Variants in CCDC191 observed in about 807,000 individuals in gnomAD.
CCDC191 encodes coiled-coil domain-containing protein 191.
In CCDC191, 99 loss-of-function variants were observed where a neutral mutation model predicts 114.0. The ratio of observed to expected loss-of-function variants is 0.87; its 90% CI spans 0.74 to 1.03. The LOEUF is 1.03. Among genes scored for constraint, CCDC191 ranks in the 50% least tolerant of loss-of-function variants. CCDC191 has a pLI of 0.00. For missense variants in CCDC191, 973 were observed against 1,087.0 expected, an observed-to-expected ratio of 0.90 and a Z score of 1.47; for synonymous variants, 351 against 376.0, an observed-to-expected ratio of 0.93 and a Z score of 0.77.
Position 113,980,092 on chromosome 3 carries a change from A to G in CCDC191, c.2307+558T>C, listed in dbSNP as rs111534572. 7.3e-3 allele frequency among the ~76,000 whole-genome samples: 1,107 copies of G among 152,262 alleles called. 13 individuals are homozygous for G. Among genetic ancestry groups the G allele is most frequent in the African/African-American group, 0.024 (1,005 of 41,542 alleles). On this transcript the variant is annotated intron_variant, in intron 14 of 16. Coordinates refer to ENST00000295878, the MANE Select transcript of CCDC191 (RefSeq NM_020817.2). The stretch of plus-strand genomic sequence containing the variant: ...TTGGCCCTTTGATTTGCTTTGGCCA[A>G]TGGAATGTGGACATAATACAAGCAA...
chr3:114,032,294 T>G (rs962361599), intron 6 of CCDC191, among the ~76,000 whole-genome samples: 1 of 152,146 alleles, frequency 6.6e-6, no homozygotes, highest in Non-Finnish European at 1.5e-5. Context: ...AAATAGAACT[T>G]AAAAAGGAAA....
At chr3:114,012,476 T>C (rs2076087463) in intron 8 of CCDC191, among the ~76,000 whole-genome samples, 1 of 152,204 alleles carries the variant, frequency 6.6e-6, no homozygotes, top group Non-Finnish European at 1.5e-5. Context: ...TATGTATGTT[T>C]TACTTTTATG....
chr3:114,051,401 T>C (rs555177507), intron 2 of CCDC191, among the ~76,000 whole-genome samples: 1 of 152,302 alleles, frequency 6.6e-6, no homozygotes, highest in South Asian at 2.1e-4. Context: ...CCTCCAAGTC[T>C]GGATCAATCT....
intron 16 of CCDC191, 64 bp from the exon 17 acceptor site, chr3:113,965,423 C>A: frequency 1.2e-6 from 1 of 852,216 alleles, no homozygotes; most frequent in Non-Finnish European, 1.8e-6. Context: ...ATCTATAGCA[C>A]ATTAAGAACT....
chr3:114,028,523 G>A (rs962081965), intron 7 of CCDC191, among the ~76,000 whole-genome samples: 3 of 151,786 alleles, frequency 2.0e-5, no homozygotes, highest in Non-Finnish European at 2.9e-5. Flanking sequence ...CTGACCTCGT[G>A]ATCCGCCCGC....
chr3:114,004,894 T>C, intron 10 of CCDC191, 148 bp from the exon 11 acceptor site: 3 of 830,180 alleles, frequency 3.6e-6, no homozygotes, highest in Non-Finnish European at 5.3e-6. Context: ...CATAAATATG[T>C]GTAATGAGGT....
intron 7 of CCDC191, among the ~76,000 whole-genome samples, chr3:114,026,519 C>G (rs1250518260): frequency 2.0e-5 from 3 of 152,124 alleles, no homozygotes; most frequent in Non-Finnish European, 2.9e-5. Context: ...ATTTCCCTCC[C>G]CTAACATAAG....
chr3:114,031,534 C>T (rs2076403867), intron 7 of CCDC191, 92 bp downstream of exon 7: 1 of 1,105,974 alleles, frequency 9.0e-7, no homozygotes, highest in Non-Finnish European at 1.4e-6. Context: ...TGAGGTTCAA[C>T]TGGACTTAGT....
intron 13 of CCDC191, among the ~76,000 whole-genome samples, chr3:113,993,568 C>T (rs1384169207): frequency 6.6e-6 from 1 of 152,096 alleles, no homozygotes; most frequent in Non-Finnish European, 1.5e-5. Context: ...CAGCATACCT[C>T]ACAACTTACA....
In CCDC191 at chr3:113,986,325, T is replaced by G. The variant is rs376161341; in HGVS notation, c.2164-5532A>C. Among the ~76,000 whole-genome samples, 6 of 152,242 alleles carry G rather than the reference T, an allele frequency of 3.9e-5. No individual in the cohort carries two copies. The East Asian group carries it at 5.8e-4, about 15-fold the overall frequency. The stretch of plus-strand genomic sequence containing the variant: ...AACAAAATAGTGCATCTGAGAGCTG[T>G]GGGATAATATGAAACAATGTAACAA... On this transcript the variant is annotated intron_variant, in intron 13 of 16. Coordinates refer to ENST00000295878, the MANE Select transcript of CCDC191 (RefSeq NM_020817.2).
chr3:113,999,615 A>G (rs1283812147), intron 13 of CCDC191, among the ~76,000 whole-genome samples: 1 of 152,204 alleles, frequency 6.6e-6, no homozygotes, highest in Non-Finnish European at 1.5e-5. Flanking sequence ...GAGAATCACA[A>G]GCAGCTGAGG....
chr3:114,021,042 T>C (rs1369056325), intron 7 of CCDC191, among the ~76,000 whole-genome samples: 1 of 152,076 alleles, frequency 6.6e-6, no homozygotes, highest in Non-Finnish European at 1.5e-5. Context: ...AGTAAAGAGT[T>C]AGTGTTACAC....
At chr3:113,989,900 T>C (rs2075499603) in intron 13 of CCDC191, among the ~76,000 whole-genome samples, 1 of 152,128 alleles carries the variant, frequency 6.6e-6, no homozygotes, top group Non-Finnish European at 1.5e-5. Context: ...GGTGAGAGGA[T>C]TGCTTGAGCC....
chr3:114,049,451 CCA>C (rs1037835922), intron 2 of CCDC191, among the ~76,000 whole-genome samples: 2 of 152,108 alleles, frequency 1.3e-5, no homozygotes, highest in Non-Finnish European at 2.9e-5. Context: ...TTTTAAAAAT[CCA>C]CAAACAAAAA....
chr3:114,001,872 A>G, intron 12 of CCDC191, 176 bp from the exon 13 acceptor site: 1 of 674,080 alleles, frequency 1.5e-6, no homozygotes, highest in East Asian at 2.8e-5. Context: ...ACGTAACTTA[A>G]AAGTTTCTCC....
rs181171775 is a variant in CCDC191, at chr3:114,055,941, G to A, written c.90+436C>T. ...TTTAGATACTTTACGTAAAAGTGAAGGGGCAGGAATATAGGCAGGGTATTT... is the reference window on the plus strand; with the variant it reads ...TTTAGATACTTTACGTAAAAGTGAAAGGGCAGGAATATAGGCAGGGTATTT... On this transcript the variant is annotated intron_variant, in intron 1 of 16. Transcript: ENST00000295878. 4.1e-3 allele frequency among the ~76,000 whole-genome samples: 623 copies of A among 151,894 alleles called. 17 individuals are homozygous for A. The highest frequency in any genetic ancestry group is 0.036 in the Admixed American group (553 of 15,262).
intron 12 of CCDC191, among the ~76,000 whole-genome samples, chr3:114,002,041 A>C (rs997642103): frequency 6.6e-6 from 1 of 152,198 alleles, no homozygotes; most frequent in Non-Finnish European, 1.5e-5. Context: ...CTTTCATTTC[A>C]CCAGAAAACC....
chr3:113,987,016 C>T (rs1426607727), intron 13 of CCDC191, among the ~76,000 whole-genome samples: 1 of 151,778 alleles, frequency 6.6e-6, no homozygotes, highest in Non-Finnish European at 1.5e-5. Context: ...GTTATGGCAG[C>T]CTGAACAGAA....
chr3:113,988,191 A>G lies in CCDC191; in HGVS notation c.2164-7398T>C, dbSNP rs183434112. On this transcript the variant is annotated intron_variant, in intron 13 of 16. Coordinates refer to ENST00000295878, the MANE Select transcript of CCDC191 (RefSeq NM_020817.2). ...CAACAAATAGAAAATAGCTAACAAG[A>G]TGATAGATTTTAATCCAGTTGTGGC... is the stretch of plus-strand genomic sequence containing the variant. Among the ~76,000 whole-genome samples the G allele has an allele frequency of 3.4e-3, 521 of 151,594 alleles. 2 individuals carry two copies. Among genetic ancestry groups the G allele is most frequent in the African/African-American group, 0.012 (501 of 41,332 alleles).
Sources: gnomAD v4.1 joint callset for allele counts (sites outside exome capture counted in the v4.1 genomes callset) on GRCh38, gnomAD v4.1.1 for gene constraint, MANE v1.5 for transcripts, NCBI Gene and HGNC (gene_info 2026-07-23, HGNC 2026-07-21) for gene names.